PTPRD: variants seen among roughly 807,000 people sequenced by gnomAD.
PTPRD encodes protein tyrosine phosphatase receptor type D.
PTPRD carries 34 observed loss-of-function variants against 214.5 expected under a neutral mutation model. The observed-to-expected ratio is 0.16, with a 90% confidence interval of 0.12 to 0.21. The LOEUF (loss-of-function observed/expected upper bound fraction) is 0.21, where lower values mean the gene tolerates loss of function less well. Among genes scored for constraint, PTPRD ranks in the 10% least tolerant of loss-of-function variants. PTPRD has a pLI of 1.00. For missense variants in PTPRD, 2,545 were observed against 2,398.7 expected (o/e 1.06, Z -1.27); for synonymous variants, 1,128 against 845.7 (o/e 1.33, Z -5.79).
intron 7 of PTPRD, among the ~76,000 whole-genome samples, chr9:9,600,218 G>C (rs1195334061): frequency 6.6e-6 from 1 of 152,050 alleles, no homozygotes; most frequent in Non-Finnish European, 1.5e-5. Flanking sequence ...CAAATTATTT[G>C]CCAGGATAAT....
intron 10 of PTPRD, among the ~76,000 whole-genome samples, chr9:9,036,523 GAC>G (rs2099622388): frequency 6.6e-6 from 1 of 152,058 alleles, no homozygotes; most frequent in South Asian, 2.1e-4. Flanking sequence ...ATAGAATATG[GAC>G]TTTAGTTAAT....
At chr9:8,339,215 C>G (rs1261458004) in intron 42 of PTPRD, among the ~76,000 whole-genome samples, 168 bp from the exon 43 acceptor site, 2 of 152,148 alleles carry the variant, frequency 1.3e-5, no homozygotes, top group Non-Finnish European at 2.9e-5. Flanking sequence ...AAACCATGAG[C>G]TCCCTTCATA....
At chr9:9,717,924 A>G (rs1458001750) in intron 7 of PTPRD, among the ~76,000 whole-genome samples, 1 of 67,206 alleles carries the variant, frequency 1.5e-5, no homozygotes, top group Non-Finnish European at 2.6e-5. Flanking sequence ...CATTGGAAAG[A>G]CTTGAAATAA....
At chr9:10,208,376 T>C (rs570856093) in intron 3 of PTPRD, among the ~76,000 whole-genome samples, 7 of 151,868 alleles carry the variant, frequency 4.6e-5, no homozygotes, top group South Asian at 2.1e-4. Flanking sequence ...TAGCCGGGCG[T>C]GGTGGCGGGC....
intron 11 of PTPRD, among the ~76,000 whole-genome samples, chr9:8,830,657 C>T (rs748162132): frequency 5.3e-5 from 8 of 152,114 alleles, no homozygotes; most frequent in Non-Finnish European, 1.2e-4. Flanking sequence ...GCATGTTCCT[C>T]CCAGTCAATA....
chr9:9,980,609 AAAAAAAAACAAAAAAAAAAAAAAAAC>A (rs1325366666), intron 4 of PTPRD, among the ~76,000 whole-genome samples: 1 of 31,786 alleles, frequency 3.1e-5, no homozygotes, highest in Non-Finnish European at 8.0e-5. Context: ...ACACCTTGTC[AAAAAAAAACAAAAAAAAAAAAAAAAC>A]AAAAAAAAAA....
chr9:9,154,705 C>T (rs2099879733), intron 10 of PTPRD, among the ~76,000 whole-genome samples: 1 of 152,268 alleles, frequency 6.6e-6, no homozygotes, highest in South Asian at 2.1e-4. Flanking sequence ...CAGCTCTTTG[C>T]ATCTGCTCTC....
At chr9:8,444,777 G>A (rs527449786) in intron 34 of PTPRD, among the ~76,000 whole-genome samples, 49 of 152,120 alleles carry the variant, frequency 3.2e-4, no homozygotes, top group African/African-American at 1.1e-3. Flanking sequence ...AGATGTTCTG[G>A]GACGGAGAGA....
At chr9:9,727,710 C>T (rs1049702192) in intron 7 of PTPRD, among the ~76,000 whole-genome samples, 1 of 152,042 alleles carries the variant, frequency 6.6e-6, no homozygotes, top group Admixed American at 6.6e-5. Context: ...CACTGGTAGT[C>T]CTTCTGAAAT....
intron 7 of PTPRD, among the ~76,000 whole-genome samples, chr9:9,622,333 G>A (rs988043017): frequency 2.0e-5 from 3 of 152,126 alleles, no homozygotes; most frequent in Non-Finnish European, 2.9e-5. Flanking sequence ...AGTAATTTCA[G>A]AACTAGACAC....
chr9:9,152,283 T>C (rs2099877509), intron 10 of PTPRD, among the ~76,000 whole-genome samples: 1 of 152,324 alleles, frequency 6.6e-6, no homozygotes, highest in South Asian at 2.1e-4. Flanking sequence ...ACCCGTGACT[T>C]CAAATTTCTC....
intron 3 of PTPRD, among the ~76,000 whole-genome samples, chr9:10,141,582 C>A (rs868261265): frequency 4.5e-4 from 69 of 152,002 alleles, no homozygotes; most frequent in African/African-American, 1.5e-3. Context: ...CTACAAACCA[C>A]TGCTCAACGA....
intron 10 of PTPRD, among the ~76,000 whole-genome samples, chr9:9,093,051 T>C (rs761911810): frequency 7.9e-5 from 12 of 152,044 alleles, no homozygotes; most frequent in Non-Finnish European, 1.5e-4. Context: ...GAAACGGCTA[T>C]ACTAAAATAA....
At chr9:10,133,890 A>G (rs1324261444) in intron 3 of PTPRD, among the ~76,000 whole-genome samples, 1 of 152,148 alleles carries the variant, frequency 6.6e-6, no homozygotes, top group Admixed American at 6.6e-5. Flanking sequence ...AAATGTGGTG[A>G]GTTTAACTAC....
At chr9:8,939,624 A>G (rs148216230) in intron 11 of PTPRD, among the ~76,000 whole-genome samples, 1 of 152,286 alleles carries the variant, frequency 6.6e-6, no homozygotes, top group East Asian at 1.9e-4. Context: ...CTGCACTGCA[A>G]ATCTTTCCAA....
intron 12 of PTPRD, among the ~76,000 whole-genome samples, chr9:8,660,378 G>A (rs1387405910): frequency 1.3e-5 from 2 of 152,148 alleles, no homozygotes; most frequent in Non-Finnish European, 2.9e-5. Flanking sequence ...GTTCGTAACA[G>A]TGCTTTGAGG....
chr9:9,917,995 T>C (rs2081419454), intron 5 of PTPRD, among the ~76,000 whole-genome samples: 1 of 151,984 alleles, frequency 6.6e-6, no homozygotes, highest in African/African-American at 2.4e-5. Context: ...TCTTTTTCCC[T>C]AAGAACGAGA....
chr9:10,502,473 A>T (rs952404628), intron 2 of PTPRD, among the ~76,000 whole-genome samples: 1 of 152,040 alleles, frequency 6.6e-6, no homozygotes, highest in African/African-American at 2.4e-5. Context: ...ACAATAAGGT[A>T]AAAAAGTTGA....
intron 3 of PTPRD, among the ~76,000 whole-genome samples, chr9:10,164,118 G>C (rs1327982753): frequency 6.6e-6 from 1 of 151,314 alleles, no homozygotes; most frequent in South Asian, 2.1e-4. Context: ...CTGATATCTG[G>C]ATATCAGTGC....
Sources: gnomAD v4.1 joint callset for allele counts (sites outside exome capture counted in the v4.1 genomes callset) on GRCh38, gnomAD v4.1.1 for gene constraint, MANE v1.5 for transcripts, NCBI Gene and HGNC (gene_info 2026-07-23, HGNC 2026-07-21) for gene names.